The following MSL2 variants were observed in gnomAD, a reference collection of about 807,000 sequenced individuals.
MSL2 encodes E3 ubiquitin-protein ligase MSL2.
In MSL2, 2 loss-of-function variants were observed where a neutral mutation model predicts 35.8. The ratio of observed to expected loss-of-function variants is 0.06; its 90% CI spans 0.02 to 0.18. MSL2 has a LOEUF of 0.18. Among genes scored for constraint, MSL2 ranks in the 10% least tolerant of loss-of-function variants. The probability of loss-of-function intolerance (pLI) is 1.00; values close to 1 mark genes in which losing one functional copy is unlikely to be tolerated. For missense variants in MSL2, 523 were observed against 706.7 expected (o/e 0.74, Z 2.95); for synonymous variants, 296 against 255.7 (o/e 1.16, Z -1.50).
At chr3:136,161,179 A>AT (rs1939699102) in intron 1 of MSL2, among the ~76,000 whole-genome samples, 1 of 152,254 alleles carries the variant, frequency 6.6e-6, no homozygotes, top group Non-Finnish European at 1.5e-5. Flanking sequence ...CTGCCCACCC[A>AT]TTAGAATGGC....
Position 136,195,563 on chromosome 3 carries a change from G to A in MSL2, c.-450C>T. 1.0e-5 allele frequency: 10 copies of A among 999,100 alleles called. No individual in the cohort carries two copies. The highest frequency in any genetic ancestry group is 1.2e-5 in the Non-Finnish European group (10 of 838,976). 61.9% of individuals were successfully genotyped at this position (999,100 alleles called of 1,614,324 possible). On this transcript the variant is annotated 5_prime_UTR_variant, in exon 1 of 2. Transcript: ENST00000309993. ...GTCTGAGGCGCGGCACGCTTCTCCC[G>A]GGCTGCAGGGCCTCTTACTCCATCC... is the stretch of plus-strand genomic sequence containing the variant.
intron 1 of MSL2, among the ~76,000 whole-genome samples, chr3:136,160,867 T>C (rs2108067179): frequency 6.6e-6 from 1 of 152,056 alleles, no homozygotes; most frequent in South Asian, 2.1e-4. Flanking sequence ...GATGGGCAGA[T>C]CACGAGGTCA....
In MSL2 at chr3:136,167,929, A is replaced by C. The variant is rs1429908214; in HGVS notation, c.143-15191T>G. Among the ~76,000 whole-genome samples, 3 of 152,332 alleles carry C rather than the reference A, an allele frequency of 2.0e-5. No homozygotes were observed. In the East Asian group the frequency reaches 5.8e-4, roughly 29 times the overall value. ...TGGCATCCTACAAAAGACAGGAAACAGTTTTCCGCTTTTATTGACGAGAAC... is the reference window on the plus strand; with the variant it reads ...TGGCATCCTACAAAAGACAGGAAACCGTTTTCCGCTTTTATTGACGAGAAC... On this transcript the variant is annotated intron_variant, in intron 1 of 1. Coordinates refer to ENST00000309993, the MANE Select transcript of MSL2 (RefSeq NM_018133.4).
intron 1 of MSL2, among the ~76,000 whole-genome samples, chr3:136,175,359 A>AG (rs1299608015): frequency 6.8e-6 from 1 of 147,850 alleles, no homozygotes; most frequent in Non-Finnish European, 1.5e-5. Context: ...AAAAAAAAAA[A>AG]GTGGGAGAAT....
In MSL2 at chr3:136,194,850, A is replaced by G; in HGVS notation, c.142+122T>C. ...CAAGTTTCAAAACTAATGACCGTAC[A>G]GCGCTGCACAAATAACAAAAGCTTA... On this transcript the variant is annotated intron_variant, in intron 1 of 1. Coordinates refer to ENST00000309993, the MANE Select transcript of MSL2 (RefSeq NM_018133.4). The G allele has an allele frequency of 1.3e-5, 19 of 1,452,120 alleles. No individual in the cohort carries two copies. In the South Asian group the frequency reaches 2.3e-4, roughly 18 times the overall value. 90.0% of individuals were successfully genotyped at this position (1,452,120 alleles called of 1,614,324 possible).
intron 1 of MSL2, among the ~76,000 whole-genome samples, chr3:136,166,008 C>T (rs1380191720): frequency 7.3e-6 from 1 of 137,816 alleles, no homozygotes; most frequent in African/African-American, 2.7e-5. Context: ...CAAATACATA[C>T]ACCTACTATG....
chr3:136,173,653 T>C (rs965387774), intron 1 of MSL2, among the ~76,000 whole-genome samples: 1 of 152,220 alleles, frequency 6.6e-6, no homozygotes, highest in Non-Finnish European at 1.5e-5. Flanking sequence ...TCGAGTTTTC[T>C]AGCTTATCTC....
At chr3:136,169,341 A>T (rs111736615) in intron 1 of MSL2, among the ~76,000 whole-genome samples, 262 of 151,110 alleles carry the variant, frequency 1.7e-3, no homozygotes, top group Non-Finnish European at 2.4e-3. Context: ...ATAACCTGTA[A>T]CAATCAAATG....
At chr3:136,189,135 A>AC (rs1553768115) in intron 1 of MSL2, among the ~76,000 whole-genome samples, 3 of 121,692 alleles carry the variant, frequency 2.5e-5, no homozygotes, top group East Asian at 2.2e-4. Context: ...AAAAAAAAAA[A>AC]ACACACACAC....
Position 136,195,418 on chromosome 3 carries a change from G to A in MSL2, c.-305C>T, listed in dbSNP as rs1576382515. The A allele has an allele frequency of 1.7e-5, 19 of 1,127,594 alleles. No individual in the cohort carries two copies. The highest frequency in any genetic ancestry group is 2.1e-5 in the Non-Finnish European group (19 of 918,332). The allele number at this position is 1,127,594 out of a possible 1,614,324, so 69.8% of individuals were successfully genotyped here. A position where few individuals can be genotyped will look rare whatever the true frequency, so the allele number is the denominator to read the frequency against. ...CGCGGCGGCTTGGGCGCTCGGGGCG[G>A]GACTCGGAGCTCAGTCTAGCCCCGC... On this transcript the variant is annotated 5_prime_UTR_variant, in exon 1 of 2. Coordinates refer to ENST00000309993, the MANE Select transcript of MSL2 (RefSeq NM_018133.4).
intron 1 of MSL2, among the ~76,000 whole-genome samples, chr3:136,168,531 T>C (rs79457396): frequency 1.3e-5 from 2 of 152,150 alleles, no homozygotes; most frequent in African/African-American, 4.8e-5. Context: ...AAACACCGCA[T>C]GTTCTCACTC....
chr3:136,181,614 T>A (rs1940365930), intron 1 of MSL2, among the ~76,000 whole-genome samples: 1 of 152,102 alleles, frequency 6.6e-6, no homozygotes, highest in African/African-American at 2.4e-5. Context: ...CCCATCCAGC[T>A]CAATGTTTTA....
intron 1 of MSL2, among the ~76,000 whole-genome samples, chr3:136,187,212 T>C (rs185305646): frequency 1.3e-5 from 2 of 152,330 alleles, no homozygotes; most frequent in Non-Finnish European, 2.9e-5. Flanking sequence ...TAAACCCAAC[T>C]ACGACAAAGA....
intron 1 of MSL2, among the ~76,000 whole-genome samples, chr3:136,184,559 C>T (rs1287287912): frequency 1.3e-5 from 2 of 151,912 alleles, no homozygotes; most frequent in Non-Finnish European, 1.5e-5. Context: ...GCCGAGATCC[C>T]ACCATTGCAC....
At chr3:136,184,152 G>C (rs547122855) in intron 1 of MSL2, among the ~76,000 whole-genome samples, 1 of 151,898 alleles carries the variant, frequency 6.6e-6, no homozygotes, top group African/African-American at 2.4e-5. Flanking sequence ...AAAATTAGCC[G>C]GGCGTTGACG....
intron 1 of MSL2, among the ~76,000 whole-genome samples, chr3:136,153,230 T>C (rs1350664359): frequency 6.6e-6 from 1 of 152,038 alleles, no homozygotes; most frequent in Non-Finnish European, 1.5e-5. Flanking sequence ...CGAGACCCTG[T>C]CTCAAAAACA....
intron 1 of MSL2, among the ~76,000 whole-genome samples, chr3:136,170,184 A>AAT (rs1553765950): frequency 1.8e-4 from 27 of 150,508 alleles, no homozygotes; most frequent in South Asian, 6.3e-4. Flanking sequence ...TCTACTTAAA[A>AAT]ATATATATAT....
intron 1 of MSL2, among the ~76,000 whole-genome samples, chr3:136,179,465 G>A (rs1297097293): frequency 6.6e-6 from 1 of 152,146 alleles, no homozygotes; most frequent in Non-Finnish European, 1.5e-5. Context: ...TACAGCATGA[G>A]CCATCCTGCC....
At chr3:136,187,851 TAATTCA>T (rs961300908) in intron 1 of MSL2, among the ~76,000 whole-genome samples, 22 of 152,172 alleles carry the variant, frequency 1.4e-4, no homozygotes, top group African/African-American at 5.3e-4. Context: ...ACAGAGATTC[TAATTCA>T]ATCAGTCTGG....
Sources: allele counts gnomAD v4.1 joint callset (sites outside exome capture counted in the v4.1 genomes callset), GRCh38; gene constraint gnomAD v4.1.1; transcripts MANE v1.5; gene names NCBI Gene and HGNC (gene_info 2026-07-23, HGNC 2026-07-21).